The following ABLIM2 variants were observed in gnomAD, a reference collection of about 807,000 sequenced individuals.
ABLIM2 encodes actin-binding LIM protein 2.
ABLIM2 carries 53 observed loss-of-function variants against 97.7 expected under a neutral mutation model. The observed-to-expected ratio is 0.54, with a 90% CI of 0.44 to 0.68. The LOEUF (loss-of-function observed/expected upper bound fraction) is 0.68. Ranked by LOEUF, ABLIM2 falls within the 30% of genes least tolerant of loss-of-function variation. The probability of loss-of-function intolerance (pLI) is 0.00; values close to 1 mark genes in which losing one functional copy is unlikely to be tolerated. For missense variants in ABLIM2, 835 were observed against 867.2 expected, an observed-to-expected ratio of 0.96 and a Z score of 0.47; for synonymous variants, 361 against 345.8, an observed-to-expected ratio of 1.04 and a Z score of -0.49.
chr4:7,988,242 C>G (rs180804653), intron 17 of ABLIM2, among the ~76,000 whole-genome samples: 1 of 152,120 alleles, frequency 6.6e-6, no homozygotes, highest in Admixed American at 6.5e-5. Context: ...AGGCTGGTCT[C>G]GAACTCCTGA....
intron 17 of ABLIM2, among the ~76,000 whole-genome samples, chr4:7,989,910 C>T (rs1747343225): frequency 6.6e-6 from 1 of 152,228 alleles, no homozygotes; most frequent in Non-Finnish European, 1.5e-5. Context: ...CAGCAGGCCT[C>T]TGTTGCTCCA....
chr4:8,053,328 C>T (rs1371613358), intron 8 of ABLIM2, among the ~76,000 whole-genome samples: 5 of 152,232 alleles, frequency 3.3e-5, no homozygotes, highest in African/African-American at 1.2e-4. Flanking sequence ...CAATGTTCAT[C>T]TTGCATATGT....
intron 1 of ABLIM2, among the ~76,000 whole-genome samples, chr4:8,152,642 G>A (rs865914063): frequency 6.6e-6 from 1 of 152,236 alleles, no homozygotes; most frequent in Non-Finnish European, 1.5e-5. Context: ...GCTCTTTCGG[G>A]GCTTCCCCGG....
Position 8,148,223 on chromosome 4 carries a change from C to G in ABLIM2, c.10+10457G>C, listed in dbSNP as rs1852140867. On this transcript the variant is annotated intron_variant, in intron 1 of 20. Coordinates refer to ENST00000447017, the MANE Select transcript of ABLIM2 (RefSeq NM_001130083.2). The surrounding 1 kb of genome is among the most constrained non-coding windows in gnomAD (Gnocchi z 6.7). ...GCAGCAGAAGCTCTCCTGTGGGGGC[C>G]CTGGGCCAGGCAGGTTCTGAAGGGC... 6.6e-6 allele frequency among the ~76,000 whole-genome samples: 1 copy of G among 152,158 alleles called. No homozygotes were observed. The highest frequency in any genetic ancestry group is 1.5e-5 in the Non-Finnish European group (1 of 68,024).
intron 1 of ABLIM2, among the ~76,000 whole-genome samples, chr4:8,156,319 G>A (rs57943070): frequency 0.07 from 10,633 of 152,152 alleles, 889 homozygotes; most frequent in African/African-American, 0.2. Context: ...CTCACCATGT[G>A]TGGACTGGCC....
intron 9 of ABLIM2, among the ~76,000 whole-genome samples, chr4:8,041,678 G>A (rs1257219861): frequency 2.0e-5 from 3 of 152,030 alleles, no homozygotes; most frequent in Non-Finnish European, 4.4e-5. Context: ...CAAGGTGGGT[G>A]GATCACCAGG....
rs1165530667 is a variant in ABLIM2, at chr4:8,005,682, T to A, written c.1618+2377A>T. On this transcript the variant is annotated intron_variant, in intron 16 of 20. Transcript: ENST00000447017. The surrounding 1 kb of genome is among the most constrained non-coding windows in gnomAD (Gnocchi z 4.9). ...CCGGCAGTCTGGGTCCTCGCTGCCA[T>A]TTCCATGCAAATCGGGAAACAAGGC... Among the ~76,000 whole-genome samples the A allele has an allele frequency of 1.3e-5, 2 of 152,176 alleles. No individual in the cohort carries two copies. Among genetic ancestry groups the A allele is most frequent in the Non-Finnish European group, 2.9e-5 (2 of 68,030 alleles).
Position 8,106,500 on chromosome 4 carries a change from A to T in ABLIM2, c.148T>A (p.Cys50Ser). Residue 50 changes from cysteine to serine, a missense_variant, in exon 2 of 21, where the codon TGT (cysteine) becomes AGT (serine). Cys to Ser is a moderately radical substitution (Grantham distance 112). Transcript: ENST00000447017. ...GGGACCGGGGGACACTCACCTTTAC[A>T]GACGAAGCACTTGATGTGGAAGTAC... ...DKYFHIKCFV[C>S]KACGCDLAEG... The T allele has an allele frequency of 6.3e-7, 1 of 1,595,530 alleles. No homozygotes were observed. Among genetic ancestry groups the T allele is most frequent in the Non-Finnish European group, 8.5e-7 (1 of 1,171,152 alleles).
At position 8,044,692 on chromosome 4, in the gene ABLIM2, GA is replaced by G. The variant is rs1791110865; in HGVS notation, c.900+471del. On this transcript the variant is annotated intron_variant, in intron 9 of 20. Transcript: ENST00000447017. The surrounding 1 kb of genome is among the most constrained non-coding windows in gnomAD (Gnocchi z 4.4). ...GAGTCTCTCTCTCTCTCTCTCTCTCGAACGAACGAAAACGGGATCACATAAT... is the reference window on the plus strand; with the variant it reads ...GAGTCTCTCTCTCTCTCTCTCTCTCGACGAACGAAAACGGGATCACATAAT... Among the ~76,000 whole-genome samples the G allele has an allele frequency of 6.8e-6, 1 of 147,514 alleles. No homozygotes were observed. Among genetic ancestry groups the G allele is most frequent in the African/African-American group, 2.6e-5 (1 of 39,122 alleles).
rs975969509 is a variant in ABLIM2 at position 8,110,343 on chromosome 4, G to T, written c.11-3706C>A. On this transcript the variant is annotated intron_variant, in intron 1 of 20. Transcript: ENST00000447017. ...GAAGTGTCAGCTTCAGATTCCCGGG[G>T]GACAGCGCGGGTGGTGGGGTCAGCT... 2.0e-4 allele frequency among the ~76,000 whole-genome samples: 31 copies of T among 152,182 alleles called. 1 individual carries two copies. The highest frequency in any genetic ancestry group is 6.5e-5 in the Admixed American group (1 of 15,290).
At chr4:7,967,312 C>G (rs768606189) in intron 20 of ABLIM2, among the ~76,000 whole-genome samples, 2 of 152,222 alleles carry the variant, frequency 1.3e-5, no homozygotes, top group Non-Finnish European at 2.9e-5. Flanking sequence ...CAGGGACACA[C>G]AGCACCCAGT....
chr4:8,051,226 C>G (rs984438210), intron 8 of ABLIM2, among the ~76,000 whole-genome samples: 4 of 152,186 alleles, frequency 2.6e-5, no homozygotes, highest in African/African-American at 9.7e-5. Flanking sequence ...TAGCCCTGGT[C>G]GGTTTCAGTG....
At chr4:7,995,443 T>C (rs1752589700) in intron 16 of ABLIM2, among the ~76,000 whole-genome samples, 1 of 152,240 alleles carries the variant, frequency 6.6e-6, no homozygotes, top group Non-Finnish European at 1.5e-5. Flanking sequence ...AGGCAGGTTC[T>C]GTGCACAGAA....
chr4:8,097,143 C>T lies in ABLIM2; in HGVS notation c.294G>A (p.Leu98=), dbSNP rs199762433. ...AGCAGTCGGGGTGGTAGGTCTTGCCCAGCGCCGACACCACCTCACCCTCAA... is the reference window on the plus strand; with the variant it reads ...AGCAGTCGGGGTGGTAGGTCTTGCCTAGCGCCGACACCACCTCACCCTCAA... ...QFIEGEVVSA[L]GKTYHPDCFV... Residue 98 remains leucine, a synonymous_variant, in exon 3 of 21, where the codon CTG becomes CTA. Coordinates refer to ENST00000447017, the MANE Select transcript of ABLIM2 (RefSeq NM_001130083.2). The T allele has an allele frequency of 2.5e-6, 4 of 1,611,508 alleles. No homozygotes were observed. The Admixed American group carries it at 5.0e-5, about 20-fold the overall frequency.
At chr4:8,092,528 C>G (rs1418469791) in intron 3 of ABLIM2, among the ~76,000 whole-genome samples, 1 of 152,158 alleles carries the variant, frequency 6.6e-6, no homozygotes, top group East Asian at 1.9e-4. Flanking sequence ...TTAACTGTTT[C>G]CTGGACTCCC....
At chr4:8,104,491 C>A (rs1203135344) in intron 2 of ABLIM2, among the ~76,000 whole-genome samples, 2 of 152,182 alleles carry the variant, frequency 1.3e-5, no homozygotes, top group Non-Finnish European at 2.9e-5. Context: ...ATCCCTGGAT[C>A]CAGGTGATTC....
intron 6 of ABLIM2, among the ~76,000 whole-genome samples, chr4:8,074,737 C>G (rs1814777912): frequency 1.3e-5 from 2 of 148,472 alleles, no homozygotes; most frequent in Non-Finnish European, 3.0e-5. Context: ...AACTGGAAGG[C>G]GGCATTGTGT....
intron 8 of ABLIM2, among the ~76,000 whole-genome samples, chr4:8,053,668 G>A (rs1372671530): frequency 6.6e-6 from 1 of 152,190 alleles, no homozygotes; most frequent in Non-Finnish European, 1.5e-5. Context: ...TCCAAAATTT[G>A]TGTGTTGGAA....
chr4:8,131,780 C>T (rs1453017567), intron 1 of ABLIM2, among the ~76,000 whole-genome samples: 40 of 109,714 alleles, frequency 3.6e-4, no homozygotes, highest in Non-Finnish European at 5.3e-4. Flanking sequence ...AGCCCGCATC[C>T]CCTGCACAGC....
Sources: allele counts gnomAD v4.1 joint callset (sites outside exome capture counted in the v4.1 genomes callset), GRCh38; gene constraint gnomAD v4.1.1; non-coding constraint Gnocchi (gnomAD v3.1); transcripts MANE v1.5; gene names NCBI Gene and HGNC (gene_info 2026-07-23, HGNC 2026-07-21).